Variants in MYOM1 observed in about 807,000 individuals in gnomAD.
MYOM1 encodes the protein myomesin 1.
MYOM1 carries 164 observed loss-of-function variants against 205.3 expected under a neutral mutation model. That is an observed-to-expected ratio of 0.80 (90% confidence interval 0.70 to 0.91). The LOEUF (loss-of-function observed/expected upper bound fraction) is 0.91, where lower values mean the gene tolerates loss of function less well. Ranked by LOEUF, MYOM1 falls within the 40% of genes least tolerant of loss-of-function variation. The probability of loss-of-function intolerance (pLI) is 0.00; values close to 1 mark genes in which losing one functional copy is unlikely to be tolerated. For synonymous variants in MYOM1, 772 were observed against 789.4 expected (o/e 0.98, Z 0.37); for missense variants, 2,011 against 2,127.3 (o/e 0.95, Z 1.08).
rs891321804 is a variant in MYOM1, at chr18:3,067,553, G to A, written c.4767C>T (p.Ala1589=). 1.2e-6 allele frequency: 2 copies of A among 1,610,884 alleles called. No individual in the cohort carries two copies. The highest frequency in any genetic ancestry group is 1.7e-5 in the Admixed American group (1 of 59,902). ...CCCACACGTTGCAAGTGAGATTAAGGGCCTGCAAGACAGGTTTTATGGGAG... is the reference window on the plus strand; with the variant it reads ...CCCACACGTTGCAAGTGAGATTAAGAGCCTGCAAGACAGGTTTTATGGGAG... ...PDVVTIQEGK[A]LNLTCNVWGD... is the part of the protein sequence containing the mutation. Residue 1589 remains alanine (A), a splice_region_variant and synonymous_variant, in exon 38 of 38, where the codon GCC becomes GCT. Transcript: ENST00000356443.
chr18:3,071,760 A>C, intron 37 of MYOM1, 74 bp downstream of exon 37: 1 of 1,463,050 alleles, frequency 6.8e-7, no homozygotes, highest in Non-Finnish European at 9.4e-7. Context: ...GCCTTAAAAG[A>C]AGGAACAAAA....
At chr18:3,239,471 T>C in the MYOM1 span, among the ~76,000 whole-genome samples, 437 of 152,184 alleles carry the variant, frequency 2.9e-3, 6 homozygotes, top group African/African-American at 0.01. Flanking sequence ...GACAAGAGCA[T>C]GGGCCAGGGG....
chr18:3,136,929 T>C lies in MYOM1; in HGVS notation c.2026-1199A>G, dbSNP rs368819916. The stretch of plus-strand genomic sequence containing the variant: ...ATCTGGCAAATAGTACATAATCAAC[T>C]ACAGTATTTTTTTTCTTTCTTTTTT... On this transcript the variant is annotated intron_variant, in intron 14 of 37. Transcript: ENST00000356443. Among the ~76,000 whole-genome samples the C allele has an allele frequency of 3.3e-5, 5 of 151,900 alleles. No individual in the cohort carries two copies. The East Asian group carries it at 9.6e-4, about 29-fold the overall frequency.
upstream of MYOM1, among the ~76,000 whole-genome samples, chr18:3,222,726 TACAC>T (rs771073635): frequency 6.6e-6 from 1 of 152,062 alleles, no homozygotes; most frequent in Non-Finnish European, 1.5e-5. Flanking sequence ...CATACACACA[TACAC>T]ACACAAACAG....
chr18:3,144,911 T>G (rs183104055), intron 13 of MYOM1, among the ~76,000 whole-genome samples: 218 of 152,372 alleles, frequency 1.4e-3, no homozygotes, highest in African/African-American at 5.1e-3. Context: ...TGATAGAACA[T>G]GTAGATATTA....
At chr18:3,197,706 T>C (rs1413351578) in intron 2 of MYOM1, among the ~76,000 whole-genome samples, 1 of 151,568 alleles carries the variant, frequency 6.6e-6, no homozygotes, top group Admixed American at 6.6e-5. Context: ...ACCCCGTCTT[T>C]ACTAAAAATA....
chr18:3,085,228 GCTTTTTTTTTTTTTTTTTTT>G, intron 30 of MYOM1, 96 bp from the exon 31 acceptor site: 1 of 152,310 alleles, frequency 6.6e-6, no homozygotes, highest in Non-Finnish European at 1.1e-5. Flanking sequence ...TGCTGCTGCT[GCTTTTTTTTTTTTTTTTTTT>G]TTTTTTTTTT....
At position 3,075,743 on chromosome 18, in the gene MYOM1, G is replaced by A; in HGVS notation, c.4667C>T (p.Ala1556Val). 6.3e-7 allele frequency: 1 copy of A among 1,598,716 alleles called. No homozygotes were observed. Among genetic ancestry groups the A allele is most frequent in the Non-Finnish European group, 8.5e-7 (1 of 1,171,672 alleles). The change falls in exon 35 of 38, where the codon GCT (alanine) becomes GTT (valine). Residue 1556 changes from alanine (A) to valine (V), a missense_variant. Ala to Val is a moderately conservative substitution (Grantham distance 64, BLOSUM62 0). Coordinates refer to ENST00000356443, the MANE Select transcript of MYOM1 (RefSeq NM_003803.4). The part of the protein sequence containing the change: ...LSGQAYDEAY[A>V]EFQRLKQAAI... ...GACTTACTTCAACCTCTGGAATTCA[G>A]CATAGGCCTCATCGTATGCTTTAAA...
intron 29 of MYOM1, among the ~76,000 whole-genome samples, chr18:3,088,859 T>C (rs1354702296): frequency 6.6e-6 from 1 of 152,220 alleles, no homozygotes; most frequent in Non-Finnish European, 1.5e-5. Context: ...AATAGGTCTA[T>C]GACTTAGAAT....
intron 9 of MYOM1, among the ~76,000 whole-genome samples, chr18:3,166,263 C>CTTTTTTTT (rs765532198): frequency 1.8e-5 from 2 of 111,668 alleles, no homozygotes; most frequent in African/African-American, 3.6e-5. Context: ...TATCTCAAGT[C>CTTTTTTTT]TTTTTTTTTT....
At chr18:3,144,873 G>C (rs1327092586) in intron 13 of MYOM1, among the ~76,000 whole-genome samples, 1 of 152,194 alleles carries the variant, frequency 6.6e-6, no homozygotes, top group Non-Finnish European at 1.5e-5. Flanking sequence ...CATTTGGTTG[G>C]CTATTTCATC....
In MYOM1 at chr18:3,090,810, G is replaced by A. The variant is rs754757462; in HGVS notation, c.3865-8C>T. The A allele has an allele frequency of 5.6e-6, 9 of 1,613,546 alleles. No homozygotes were observed. The South Asian group carries it at 8.8e-5, about 16-fold the overall frequency. ...AATATGCATTTTATATTTCTTCAGTGTGAAAAGAAAATGACAGAGAAATCA... is the reference window on the plus strand; with the variant it reads ...AATATGCATTTTATATTTCTTCAGTATGAAAAGAAAATGACAGAGAAATCA... On this transcript the variant is annotated splice_region_variant and splice_polypyrimidine_tract_variant and intron_variant, in intron 26 of 37. Transcript: ENST00000356443.
chr18:3,211,101 G>A (rs1396117908), intron 2 of MYOM1, among the ~76,000 whole-genome samples: 1 of 152,138 alleles, frequency 6.6e-6, no homozygotes, highest in East Asian at 1.9e-4. Flanking sequence ...TCTGGTTTTT[G>A]TAAGCTATTC....
rs554969785 is a variant in MYOM1 at position 3,094,238 on chromosome 18, C to T, written c.3796G>A (p.Ala1266Thr). ...EKGQVRFWMQ[A>T]EKLSGNAKVN... is the part of the protein sequence containing the mutation. Reference sequence around the variant, plus strand: ...TTGGCATTGCCAGACAGTTTCTCAGCCTGCATCCAAAACCGGACCTGGCCT... The same window carrying T: ...TTGGCATTGCCAGACAGTTTCTCAGTCTGCATCCAAAACCGGACCTGGCCT... Residue 1266 changes from alanine (A) to threonine (T), a missense_variant, in exon 26 of 38, where the codon GCT (alanine) becomes ACT (threonine). Coordinates refer to ENST00000356443, the MANE Select transcript of MYOM1 (RefSeq NM_003803.4). 11 of 1,613,968 alleles carry T rather than the reference C, an allele frequency of 6.8e-6. 1 individual carries two copies. In the South Asian group the frequency reaches 8.8e-5, roughly 13 times the overall value.
chr18:3,175,567 C>A (rs1010332362), intron 6 of MYOM1, among the ~76,000 whole-genome samples: 2 of 152,162 alleles, frequency 1.3e-5, no homozygotes, highest in Admixed American at 6.5e-5. Flanking sequence ...TGGTTCCTGG[C>A]AAGCTGAAGG....
chr18:3,155,446 G>C (rs915311205), intron 10 of MYOM1, among the ~76,000 whole-genome samples: 2 of 152,158 alleles, frequency 1.3e-5, no homozygotes, highest in Non-Finnish European at 2.9e-5. Context: ...GGATGGTCTT[G>C]ATCTCCTGAC....
At chr18:3,235,132 C>A in the MYOM1 span, among the ~76,000 whole-genome samples, 1 of 152,086 alleles carries the variant, frequency 6.6e-6, no homozygotes, top group Non-Finnish European at 1.5e-5. Context: ...CAAATTTATA[C>A]CATGTCATCT....
At chr18:3,149,486 A>G (rs1416953674) in intron 12 of MYOM1, among the ~76,000 whole-genome samples, 2 of 152,190 alleles carry the variant, frequency 1.3e-5, no homozygotes, top group Non-Finnish European at 2.9e-5. Flanking sequence ...ACCTGTGTTC[A>G]TGTAACTGTT....
At chr18:3,227,174 TC>T in the MYOM1 span, among the ~76,000 whole-genome samples, 1 of 151,184 alleles carries the variant, frequency 6.6e-6, no homozygotes, top group South Asian at 2.1e-4. Flanking sequence ...GCTTTCTCTT[TC>T]TTTTGTTTTT....
Sources: gnomAD v4.1 joint callset for allele counts (sites outside exome capture counted in the v4.1 genomes callset) on GRCh38, gnomAD v4.1.1 for gene constraint, MANE v1.5 for transcripts, NCBI Gene and HGNC (gene_info 2026-07-23, HGNC 2026-07-21) for gene names.